NBEA: variants seen among roughly 807,000 people sequenced by gnomAD.
NBEA encodes the protein neurobeachin, also known as lysosomal-trafficking regulator 2.
Under a neutral mutation model 343.4 loss-of-function variants are expected in NBEA, and 44 were observed. The ratio of observed to expected loss-of-function variants is 0.13; its 90% CI spans 0.10 to 0.16. The LOEUF is 0.16. Among genes scored for constraint, NBEA ranks in the 10% least tolerant of loss-of-function variants. NBEA has a pLI of 1.00. For synonymous variants in NBEA, 1,175 were observed against 1,238.7 expected (o/e 0.95, Z 1.08); for missense variants, 2,555 against 3,631.3 (o/e 0.70, Z 7.62).
chr13:35,569,403 CAGGT>C (rs1177195855), intron 45 of NBEA, among the ~76,000 whole-genome samples: 1 of 152,122 alleles, frequency 6.6e-6, no homozygotes, highest in Non-Finnish European at 1.5e-5. Context: ...TATAGATTCT[CAGGT>C]AGCATATTAC....
chr13:35,164,339 T>C lies in NBEA; in HGVS notation c.4080-17T>C, dbSNP rs776597325. On this transcript the variant is annotated splice_polypyrimidine_tract_variant and intron_variant, in intron 23 of 58. Transcript: ENST00000379939. ...AAGTAAGCCAAAACATACTCATTTCTGTTTTCTGTATTTTAGCCATTCTAC... is the reference window on the plus strand; with the variant it reads ...AAGTAAGCCAAAACATACTCATTTCCGTTTTCTGTATTTTAGCCATTCTAC... 7 of 1,559,676 alleles carry C rather than the reference T, an allele frequency of 4.5e-6. No homozygotes were observed. The highest frequency in any genetic ancestry group is 6.1e-6 in the Non-Finnish European group (7 of 1,151,126).
intron 9 of NBEA, among the ~76,000 whole-genome samples, 193 bp downstream of exon 9, chr13:35,070,298 C>T (rs1327410218): frequency 1.3e-5 from 2 of 151,884 alleles, no homozygotes; most frequent in East Asian, 1.9e-4. Context: ...GGCCTTGTCT[C>T]CTTAGTAGGA....
chr13:35,493,218 A>G (rs1346424835), intron 41 of NBEA, among the ~76,000 whole-genome samples: 2 of 151,956 alleles, frequency 1.3e-5, no homozygotes, highest in African/African-American at 4.8e-5. Context: ...GCCTGCACAA[A>G]ACAAACAAAT....
At position 35,159,655 on chromosome 13, in the gene NBEA, C is replaced by T. The variant is rs772494015; in HGVS notation, c.3484C>T (p.Leu1162Phe). 6.2e-7 allele frequency: 1 copy of T among 1,611,306 alleles called. No homozygotes were observed. Among genetic ancestry groups the T allele is most frequent in the Non-Finnish European group, 8.5e-7 (1 of 1,178,738 alleles). ...ACAGGAGGAAAAACTACTTCCTGAACTTTCTAGCAATCACATTATTCCAAA... is the reference window on the plus strand; with the variant it reads ...ACAGGAGGAAAAACTACTTCCTGAATTTTCTAGCAATCACATTATTCCAAA... ...PKQEEKLLPE[L>F]SSNHIIPNIQ... The change falls in exon 22 of 59, where the codon CTT becomes TTT. Residue 1162 changes from leucine to phenylalanine, a missense_variant. Leu to Phe is a conservative substitution (Grantham distance 22). Around this residue, in one of 21 missense-constraint regions of NBEA, gnomAD observed 367 missense variants for 377.5 expected, o/e 0.97. Transcript: ENST00000379939.
intron 41 of NBEA, among the ~76,000 whole-genome samples, chr13:35,473,850 C>A (rs2075754855): frequency 6.6e-6 from 1 of 152,106 alleles, no homozygotes; most frequent in Admixed American, 6.5e-5. Flanking sequence ...TTCATTATGA[C>A]TTTGTTAAGT....
intron 38 of NBEA, among the ~76,000 whole-genome samples, chr13:35,419,451 C>G (rs2044142216): frequency 6.6e-6 from 1 of 152,084 alleles, no homozygotes; most frequent in Non-Finnish European, 1.5e-5. Flanking sequence ...CACATCATAC[C>G]ATCACCTTGG....
chr13:35,644,356 G>T (rs920954769), intron 49 of NBEA, among the ~76,000 whole-genome samples: 1 of 152,172 alleles, frequency 6.6e-6, no homozygotes, highest in Non-Finnish European at 1.5e-5. Context: ...GGGACTCACT[G>T]AAGAGAACTG....
At chr13:35,667,329 T>G in intron 56 of NBEA, 45 bp from the exon 57 acceptor site, 1 of 1,541,618 alleles carries the variant, frequency 6.5e-7, no homozygotes, top group Non-Finnish European at 8.9e-7. Context: ...AGTATGTCGT[T>G]TGTCGTCCCC....
intron 33 of NBEA, among the ~76,000 whole-genome samples, chr13:35,228,799 G>GA (rs1263112887): frequency 6.6e-6 from 1 of 151,992 alleles, no homozygotes; most frequent in Admixed American, 6.6e-5. Context: ...GACTTAAGGG[G>GA]AAAAAATAGA....
At chr13:35,506,765 G>A (rs1214449636) in intron 41 of NBEA, among the ~76,000 whole-genome samples, 2 of 152,090 alleles carry the variant, frequency 1.3e-5, no homozygotes, top group African/African-American at 4.8e-5. Flanking sequence ...ACTCAACCTA[G>A]GGCTCGTTTG....
At chr13:35,144,572 G>T (rs1668441203) in intron 18 of NBEA, among the ~76,000 whole-genome samples, 1 of 152,154 alleles carries the variant, frequency 6.6e-6, no homozygotes, top group African/African-American at 2.4e-5. Context: ...GCTGCCTGGA[G>T]TTTTTTGTTC....
intron 37 of NBEA, among the ~76,000 whole-genome samples, chr13:35,350,758 G>GTT (rs2040155998): frequency 7.4e-6 from 1 of 135,916 alleles, no homozygotes; most frequent in Admixed American, 7.3e-5. Context: ...GTGTGTGTGT[G>GTT]TGTGTGTGTG....
intron 38 of NBEA, among the ~76,000 whole-genome samples, chr13:35,382,989 G>C (rs941147086): frequency 6.6e-6 from 1 of 152,068 alleles, no homozygotes; most frequent in African/African-American, 2.4e-5. Context: ...AGACCAGCAG[G>C]CACTAATTGA....
At chr13:35,496,168 A>G (rs1262529082) in intron 41 of NBEA, among the ~76,000 whole-genome samples, 1 of 151,984 alleles carries the variant, frequency 6.6e-6, no homozygotes, top group Non-Finnish European at 1.5e-5. Flanking sequence ...CCCTTTTTAA[A>G]AAAACAAGGT....
chr13:35,427,963 G>A (rs868085460), intron 38 of NBEA, among the ~76,000 whole-genome samples: 22 of 152,174 alleles, frequency 1.4e-4, no homozygotes, highest in Admixed American at 2.0e-4. Flanking sequence ...CTCGTGTGCC[G>A]TTTTTCAAGC....
chr13:35,205,754 G>A (rs2073350545), intron 31 of NBEA, among the ~76,000 whole-genome samples: 2 of 152,030 alleles, frequency 1.3e-5, no homozygotes, highest in South Asian at 2.1e-4. Context: ...TAGCTAAAAT[G>A]TATTGGCTGC....
chr13:35,070,655 A>G (rs2063830590), intron 9 of NBEA, 64 bp from the exon 10 acceptor site: 2 of 1,383,126 alleles, frequency 1.4e-6, no homozygotes, highest in Non-Finnish European at 2.0e-6. Flanking sequence ...GGTATTTGGA[A>G]CAAGGAAATA....
chr13:35,017,231 C>T (rs2061688759), intron 1 of NBEA, among the ~76,000 whole-genome samples: 1 of 152,056 alleles, frequency 6.6e-6, no homozygotes, highest in South Asian at 2.1e-4. Flanking sequence ...AAGCAGGAAT[C>T]TGTTGTTTCT....
At chr13:35,281,198 A>G (rs1483868063) in intron 34 of NBEA, among the ~76,000 whole-genome samples, 1 of 152,120 alleles carries the variant, frequency 6.6e-6, no homozygotes, top group Non-Finnish European at 1.5e-5. Context: ...TCATGATTAT[A>G]ATAGTTTCTG....
Sources: allele counts gnomAD v4.1 joint callset (sites outside exome capture counted in the v4.1 genomes callset), GRCh38; gene constraint gnomAD v4.1.1; regional missense constraint gnomAD v4.1.1; transcripts MANE v1.5; gene names NCBI Gene and HGNC (gene_info 2026-07-23, HGNC 2026-07-21).